NAV2: variants seen among roughly 807,000 people sequenced by gnomAD.
NAV2 encodes helicase, APC down-regulated 1.
NAV2 carries 54 observed loss-of-function variants against 223.2 expected under a neutral mutation model. The ratio of observed to expected loss-of-function variants is 0.24; its 90% CI spans 0.19 to 0.30. NAV2 has a LOEUF of 0.30. Ranked by LOEUF, NAV2 falls within the 10% of genes least tolerant of loss-of-function variation. NAV2 has a pLI of 1.00. For missense variants in NAV2, 2,806 were observed against 3,147.5 expected (o/e 0.89, Z 2.60); for synonymous variants, 1,279 against 1,239.3 (o/e 1.03, Z -0.67).
At chr11:19,616,889 C>A (rs2046812506) in intron 1 of NAV2, among the ~76,000 whole-genome samples, 1 of 151,974 alleles carries the variant, frequency 6.6e-6, no homozygotes, top group Non-Finnish European at 1.5e-5. Flanking sequence ...TCAGGCAGAC[C>A]TAAGATAGAA....
chr11:19,745,037 C>T (rs2053220918), intron 1 of NAV2, among the ~76,000 whole-genome samples: 1 of 152,202 alleles, frequency 6.6e-6, no homozygotes, highest in East Asian at 1.9e-4. Context: ...TTAGATTTTA[C>T]TAAATATTCC....
At chr11:19,860,045 ACC>A (rs1253185457) in intron 3 of NAV2, among the ~76,000 whole-genome samples, 1 of 58,310 alleles carries the variant, frequency 1.7e-5, no homozygotes, top group Non-Finnish European at 3.5e-5. Context: ...CGGGGGGCTG[ACC>A]CCCCCCAACT....
At chr11:19,981,486 C>T (rs1261365641) in intron 10 of NAV2, 1 of 152,106 alleles carries the variant, frequency 6.6e-6, no homozygotes, top group Non-Finnish European at 1.5e-5. Context: ...GTTGTTTCAC[C>T]AGCAATAAAA....
chr11:19,428,723 T>C (rs1000005922), intron 1 of NAV2, among the ~76,000 whole-genome samples: 5 of 152,198 alleles, frequency 3.3e-5, no homozygotes, highest in Non-Finnish European at 7.3e-5. Flanking sequence ...GTCATCTTCC[T>C]GTCATAAAAA....
At chr11:19,996,103 A>G (rs1223702281) in intron 11 of NAV2, among the ~76,000 whole-genome samples, 1 of 152,204 alleles carries the variant, frequency 6.6e-6, no homozygotes, top group Non-Finnish European at 1.5e-5. Flanking sequence ...AATAAGGAAA[A>G]TAAGGCTCAG....
intron 1 of NAV2, among the ~76,000 whole-genome samples, chr11:19,722,600 G>A (rs1449242269): frequency 6.6e-6 from 1 of 152,214 alleles, no homozygotes; most frequent in African/African-American, 2.4e-5. Context: ...TGAGGTCAGG[G>A]CTGTGTCTCT....
At chr11:19,999,373 T>C (rs113151704) in intron 11 of NAV2, among the ~76,000 whole-genome samples, 2 of 152,170 alleles carry the variant, frequency 1.3e-5, no homozygotes, top group Admixed American at 6.5e-5. Flanking sequence ...TTTGGGAAAA[T>C]GTGGGGTTTT....
intron 1 of NAV2, among the ~76,000 whole-genome samples, chr11:19,762,709 G>A (rs2054864763): frequency 6.6e-6 from 1 of 150,758 alleles, no homozygotes; most frequent in African/African-American, 2.4e-5. Flanking sequence ...CACCTCCTGG[G>A]TTCAAGCAAT....
At chr11:19,931,595 TAAA>T (rs398055055) in intron 6 of NAV2, among the ~76,000 whole-genome samples, 1 of 37,996 alleles carries the variant, frequency 2.6e-5, no homozygotes, top group South Asian at 1.4e-3. Flanking sequence ...CATAGGTATT[TAAA>T]AAAAAAAAAA....
Position 20,055,786 on chromosome 11 carries a change from A to C in NAV2, c.4660A>C (p.Thr1554Pro). Residue 1554 changes from threonine (T) to proline (P), a missense_variant, in exon 19 of 38, where the codon ACC becomes CCC. This residue lies in a region of NAV2 where 742 missense variants were observed against 777.9 expected (regional missense o/e 0.95). Transcript: ENST00000349880. ...TATTCCAGCGAGTCCCACCACTGTC[A>C]CCCAGATGAGCTTGTCCAACCCGAC... ...FSQLASPTTV[T>P]QMSLSNPTML... 6.2e-7 allele frequency: 1 copy of C among 1,613,996 alleles called. No individual in the cohort carries two copies. Among genetic ancestry groups the C allele is most frequent in the African/African-American group, 1.3e-5 (1 of 75,004 alleles).
At chr11:19,486,181 G>A (rs937702047) in intron 1 of NAV2, among the ~76,000 whole-genome samples, 32 of 152,150 alleles carry the variant, frequency 2.1e-4, no homozygotes, top group African/African-American at 7.5e-4. Flanking sequence ...ACCAAGCAAA[G>A]GTGGGTGGTA....
At chr11:19,425,567 T>C (rs531798120) in intron 1 of NAV2, among the ~76,000 whole-genome samples, 1 of 152,300 alleles carries the variant, frequency 6.6e-6, no homozygotes, top group Admixed American at 6.5e-5. Flanking sequence ...TAGAACCATA[T>C]TCTCTGTTTA....
At chr11:19,579,871 T>C (rs2045666492) in intron 1 of NAV2, among the ~76,000 whole-genome samples, 1 of 152,222 alleles carries the variant, frequency 6.6e-6, no homozygotes, top group Non-Finnish European at 1.5e-5. Context: ...AGAAGGCCTC[T>C]GTCCTGTCTC....
chr11:19,619,918 A>G (rs1412488080), intron 1 of NAV2, among the ~76,000 whole-genome samples: 1 of 152,218 alleles, frequency 6.6e-6, no homozygotes, highest in Non-Finnish European at 1.5e-5. Flanking sequence ...TCTTTAATCC[A>G]TCTTAAATTA....
chr11:19,825,300 A>C (rs2059591321), intron 1 of NAV2, among the ~76,000 whole-genome samples: 1 of 147,650 alleles, frequency 6.8e-6, no homozygotes, highest in African/African-American at 2.5e-5. Flanking sequence ...TCAAAAAAAA[A>C]AAAAAAAAAA....
At chr11:19,676,783 T>A (rs1303936926) in intron 1 of NAV2, among the ~76,000 whole-genome samples, 1 of 152,218 alleles carries the variant, frequency 6.6e-6, no homozygotes, top group East Asian at 1.9e-4. Context: ...GGTTTCCCAC[T>A]GGCGACTCAA....
intron 1 of NAV2, among the ~76,000 whole-genome samples, chr11:19,536,372 C>CT (rs1036493496): frequency 1.3e-5 from 2 of 152,154 alleles, no homozygotes; most frequent in African/African-American, 2.4e-5. Flanking sequence ...CACCACTGTA[C>CT]TTTTTTCTAA....
intron 1 of NAV2, among the ~76,000 whole-genome samples, chr11:19,479,035 TG>T (rs1272504706): frequency 4.6e-5 from 7 of 152,088 alleles, no homozygotes; most frequent in Non-Finnish European, 8.8e-5. Flanking sequence ...GATATTTTCA[TG>T]GGGTTGCCCC....
At chr11:19,555,405 C>T (rs538092984) in intron 1 of NAV2, among the ~76,000 whole-genome samples, 15 of 152,202 alleles carry the variant, frequency 9.9e-5, no homozygotes, top group East Asian at 7.7e-4. Flanking sequence ...TTCCTGGGGA[C>T]GAACTAGCCA....
Sources: gnomAD v4.1 joint callset for allele counts (sites outside exome capture counted in the v4.1 genomes callset) on GRCh38, gnomAD v4.1.1 for gene constraint, gnomAD v4.1.1 regional missense constraint, MANE v1.5 for transcripts, NCBI Gene and HGNC (gene_info 2026-07-23, HGNC 2026-07-21) for gene names.